Variants in RFPL1 observed in about 807,000 individuals in gnomAD.
RFPL1 encodes the protein ret finger protein-like 1.
A neutral mutation model predicts 9.6 loss-of-function variants in RFPL1; 6 were observed. The ratio of observed to expected loss-of-function variants is 0.62; its 90% CI spans 0.34 to 1.23. RFPL1 has a LOEUF of 1.23. Ranked by LOEUF, RFPL1 falls within the 50% of genes most tolerant of loss-of-function variation. RFPL1 has a pLI of 0.03. For synonymous variants in RFPL1, 145 were observed against 149.4 expected (o/e 0.97, Z 0.22); for missense variants, 352 against 398.4 (o/e 0.88, Z 0.99).
At chr22:29,420,626 GTTTTTTGCTTTTTTTTTTTT>G in the RFPL1 span, among the ~76,000 whole-genome samples, 1 of 82,586 alleles carries the variant, frequency 1.2e-5, no homozygotes, top group Non-Finnish European at 2.1e-5. Flanking sequence ...ACTGCAGATG[GTTTTTTGCTTTTTTTTTTTT>G]TTTTTTTTTT....
chr22:29,432,292 G>A, the RFPL1 span, among the ~76,000 whole-genome samples: 3 of 152,180 alleles, frequency 2.0e-5, no homozygotes, highest in African/African-American at 7.2e-5. Flanking sequence ...ATTTGCTCAG[G>A]TGACAGTACT....
the RFPL1 span, among the ~76,000 whole-genome samples, chr22:29,402,938 G>A: frequency 3.0e-5 from 4 of 132,610 alleles, no homozygotes; most frequent in African/African-American, 9.5e-5. Flanking sequence ...CTGTGGGGTC[G>A]GCCATTGTGA....
the RFPL1 span, among the ~76,000 whole-genome samples, chr22:29,425,108 G>A: frequency 6.6e-6 from 1 of 151,232 alleles, no homozygotes; most frequent in Non-Finnish European, 1.5e-5. Flanking sequence ...GGAGGCTGAG[G>A]CAGGAGAATG....
the RFPL1 span, among the ~76,000 whole-genome samples, chr22:29,419,707 G>A: frequency 0.055 from 8,388 of 151,426 alleles, 701 homozygotes; most frequent in East Asian, 0.36. Context: ...GGAGGCTGAG[G>A]CTGGAGGATT....
the RFPL1 span, among the ~76,000 whole-genome samples, chr22:29,424,346 C>T: frequency 1.3e-5 from 2 of 152,246 alleles, no homozygotes; most frequent in East Asian, 1.9e-4. Flanking sequence ...GCCAAGGCTT[C>T]TAGGATGGTT....
chr22:29,391,230 G>A, the RFPL1 span, among the ~76,000 whole-genome samples: 105 of 152,162 alleles, frequency 6.9e-4, 1 homozygote, highest in Admixed American at 2.0e-3. Flanking sequence ...TTCTCACAGT[G>A]CTGGGGACTG....
chr22:29,402,658 G>A, the RFPL1 span, among the ~76,000 whole-genome samples: 1 of 151,312 alleles, frequency 6.6e-6, no homozygotes, highest in Admixed American at 6.6e-5. Context: ...TTACAAAGCA[G>A]TCCGAAATTT....
chr22:29,433,289 T>TCA, the RFPL1 span: 2 of 120,896 alleles, frequency 1.7e-5, no homozygotes, highest in Non-Finnish European at 3.5e-5. Context: ...AGACTCCGTC[T>TCA]CAAAAAAAAA....
exon 1 of RFPL1, chr22:29,438,709 G>T (rs1049184231): frequency 1.9e-6 from 3 of 1,553,446 alleles, no homozygotes; most frequent in African/African-American, 1.4e-5. Context: ...CTCTGAAGAC[G>T]GGGGGTGGGG....
At chr22:29,394,398 G>A in the RFPL1 span, among the ~76,000 whole-genome samples, 1 of 151,370 alleles carries the variant, frequency 6.6e-6, no homozygotes, top group Non-Finnish European at 1.5e-5. Flanking sequence ...GCTGGAGTGC[G>A]GTGGTGCGGT....
At chr22:29,437,316 C>A, upstream of RFPL1, 1 of 254,372 alleles carries the variant, frequency 3.9e-6, no homozygotes, top group Non-Finnish European at 7.5e-6. Flanking sequence ...AATTGCAAAT[C>A]CAATCATACT....
At chr22:29,434,527 G>C (rs1051414671), upstream of RFPL1, 3 of 156,606 alleles carry the variant, frequency 1.9e-5, no homozygotes, top group Non-Finnish European at 4.4e-5. Context: ...TCTTAGAACC[G>C]CACAGAGTAT....
chr22:29,392,380 T>C, the RFPL1 span, among the ~76,000 whole-genome samples: 8 of 47,642 alleles, frequency 1.7e-4, no homozygotes, highest in Admixed American at 3.2e-4. Flanking sequence ...ACACCTGGCT[T>C]TTTTTTTTTT....
chr22:29,398,274 AG>A, the RFPL1 span, among the ~76,000 whole-genome samples: 2 of 152,162 alleles, frequency 1.3e-5, no homozygotes, highest in African/African-American at 4.8e-5. Flanking sequence ...CTGTACAACA[AG>A]GGGACTGGAC....
chr22:29,435,879 T>C (rs141382494), upstream of RFPL1, among the ~76,000 whole-genome samples: 442 of 152,344 alleles, frequency 2.9e-3, 4 homozygotes, highest in African/African-American at 9.6e-3. Context: ...GATTCATCAG[T>C]TTTCTGGTCA....
At chr22:29,442,276 AAATT>A in exon 2 of RFPL1, 1 of 529,298 alleles carries the variant, frequency 1.9e-6, no homozygotes, top group Admixed American at 3.6e-5. Flanking sequence ...ATTAGTTTAT[AAATT>A]GAGTCCTAAG....
At chr22:29,437,296 C>G (rs956193232), upstream of RFPL1, 3 of 232,030 alleles carry the variant, frequency 1.3e-5, no homozygotes, top group Non-Finnish European at 2.5e-5. Flanking sequence ...GAATTTAAAC[C>G]ATTTTGTAAA....
At chr22:29,392,378 C>CTTTTTTTTTTTT in the RFPL1 span, among the ~76,000 whole-genome samples, 4 of 46,272 alleles carry the variant, frequency 8.6e-5, 1 homozygote, top group Non-Finnish European at 1.6e-4. Flanking sequence ...CCACACCTGG[C>CTTTTTTTTTTTT]TTTTTTTTTT....
At chr22:29,423,230 C>T in the RFPL1 span, 28 of 1,234,326 alleles carry the variant, frequency 2.3e-5, no homozygotes, top group South Asian at 3.6e-5. Context: ...AGTTATGCTC[C>T]ATCCCATCTT....
Sources: allele counts gnomAD v4.1 joint callset (sites outside exome capture counted in the v4.1 genomes callset), GRCh38; gene constraint gnomAD v4.1.1; transcripts MANE v1.5; gene names NCBI Gene and HGNC (gene_info 2026-07-23, HGNC 2026-07-21).